SLC25A37: variants seen among roughly 807,000 people sequenced by gnomAD.
SLC25A37 encodes solute carrier family 25 member 37.
A neutral mutation model predicts 31.0 loss-of-function variants in SLC25A37; 17 were observed. That is an observed-to-expected ratio of 0.55 (90% CI 0.38 to 0.82). SLC25A37 has a LOEUF of 0.82. Among genes scored for constraint, SLC25A37 ranks in the 40% least tolerant of loss-of-function variants. The probability of loss-of-function intolerance (pLI) is 0.00; values close to 1 mark genes in which losing one functional copy is unlikely to be tolerated. For missense variants in SLC25A37, 404 were observed against 465.8 expected (o/e 0.87, Z 1.22); for synonymous variants, 222 against 193.0 (o/e 1.15, Z -1.24).
At chr8:23,544,016 A>G (rs1031141053) in intron 1 of SLC25A37, among the ~76,000 whole-genome samples, 4 of 151,496 alleles carry the variant, frequency 2.6e-5, no homozygotes, top group Non-Finnish European at 5.9e-5. Context: ...GTGTGCCACC[A>G]CGCCCGGCTA....
Position 23,539,236 on chromosome 8 carries a change from G to A in SLC25A37, c.210+10024G>A, listed in dbSNP as rs193078546. Among the ~76,000 whole-genome samples, 17 of 152,294 alleles carry A rather than the reference G, an allele frequency of 1.1e-4. 1 individual carries two copies. Among genetic ancestry groups the A allele is most frequent in the Admixed American group, 1.0e-3 (16 of 15,298 alleles). On this transcript the variant is annotated intron_variant, in intron 1 of 3. Transcript: ENST00000519973. ...GCATAACAGGTCTAGGAAACGTCTG[G>A]CCGTGTGGGTCAAGTTGAGGGACTG...
Position 23,574,599 on chromosome 8 carries a change from G to T in SLC25A37, c.*2744G>T, listed in dbSNP as rs1178594384. On this transcript the variant is annotated 3_prime_UTR_variant, in exon 4 of 4. Transcript: ENST00000519973. ...CCTGGTCATCAGGAGGTTGAGAAAA[G>T]CCTTGAAAGTTGTGAAGCACTGAGC... 6.5e-6 allele frequency: 1 copy of T among 154,844 alleles called. No homozygotes were observed. Among genetic ancestry groups the T allele is most frequent in the Non-Finnish European group, 1.5e-5 (1 of 68,246 alleles). The allele number at this position is 154,844 out of a possible 1,614,324, so 9.6% of individuals were successfully genotyped here.
At chr8:23,569,715 C>T (rs964912093) in intron 3 of SLC25A37, among the ~76,000 whole-genome samples, 2 of 152,206 alleles carry the variant, frequency 1.3e-5, no homozygotes, top group African/African-American at 4.8e-5. Context: ...AAGCAAGCCT[C>T]AGCTGGGCAG....
Position 23,566,057 on chromosome 8 carries a change from C to T in SLC25A37, c.211-51C>T, listed in dbSNP as rs936129555. 7 of 1,521,116 alleles carry T rather than the reference C, an allele frequency of 4.6e-6. No homozygotes were observed. In the African/African-American group the frequency reaches 5.7e-5, roughly 12 times the overall value. The allele number at this position is 1,521,116 out of a possible 1,614,324, so 94.2% of individuals were successfully genotyped here. ...TCCAGGTCTTATTTTCCTTCTTTAC[C>T]ATCCTGATTAACTCTATTTTTGTTT... On this transcript the variant is annotated intron_variant, in intron 1 of 3. Transcript: ENST00000519973.
intron 1 of SLC25A37, among the ~76,000 whole-genome samples, chr8:23,546,822 T>G (rs559895942): frequency 6.6e-6 from 1 of 151,976 alleles, no homozygotes; most frequent in South Asian, 2.1e-4. Context: ...GTTTTTAAAT[T>G]TTTTTTTCAA....
chr8:23,555,997 C>A (rs1294139056), intron 1 of SLC25A37, among the ~76,000 whole-genome samples: 1 of 152,192 alleles, frequency 6.6e-6, no homozygotes, highest in Non-Finnish European at 1.5e-5. Flanking sequence ...TTCTAGCAAG[C>A]TGGTTGGGCT....
chr8:23,537,125 G>A (rs541437449), intron 1 of SLC25A37, among the ~76,000 whole-genome samples: 2 of 151,196 alleles, frequency 1.3e-5, no homozygotes, highest in Non-Finnish European at 2.9e-5. Context: ...GAGCCTGGGA[G>A]GTCGAGGCTG....
chr8:23,569,402 T>TACACATACAC (rs1802758298), intron 3 of SLC25A37, among the ~76,000 whole-genome samples: 1 of 150,140 alleles, frequency 6.7e-6, no homozygotes, highest in South Asian at 2.1e-4. Flanking sequence ...TATGTGTGCA[T>TACACATACAC]ACACACACAC....
intron 1 of SLC25A37, among the ~76,000 whole-genome samples, chr8:23,565,460 T>G (rs1364378493): frequency 6.6e-6 from 1 of 150,794 alleles, no homozygotes; most frequent in Non-Finnish European, 1.5e-5. Context: ...CTTTTATTCC[T>G]TTACTTTCTT....
rs866651796 is a variant in SLC25A37 at position 23,529,448 on chromosome 8, G to T, written c.210+236G>T. On this transcript the variant is annotated intron_variant, in intron 1 of 3. Coordinates refer to ENST00000519973, the MANE Select transcript of SLC25A37 (RefSeq NM_016612.4). This position sits in a 1 kb window ranked among gnomAD's most constrained non-coding sequence, Gnocchi z 4.1. ...GCACCGCCCGCTGCTCCAGCCGCGT[G>T]CCCGGCCCCGGCTGCTGGCGGCGCT... Among the ~76,000 whole-genome samples, 1 of 151,816 alleles carries T rather than the reference G, an allele frequency of 6.6e-6. No individual in the cohort carries two copies. Among genetic ancestry groups the T allele is most frequent in the African/African-American group, 2.4e-5 (1 of 41,402 alleles).
chr8:23,536,264 A>C (rs62503283), intron 1 of SLC25A37, among the ~76,000 whole-genome samples: 1 of 152,000 alleles, frequency 6.6e-6, no homozygotes, highest in Non-Finnish European at 1.5e-5. Flanking sequence ...TTCTTCCCAT[A>C]AACAAACTGT....
chr8:23,532,994 A>G (rs960938395), intron 1 of SLC25A37, among the ~76,000 whole-genome samples: 9 of 152,216 alleles, frequency 5.9e-5, no homozygotes, highest in East Asian at 1.9e-4. Flanking sequence ...GGACAAAACT[A>G]TAATGATTTT....
intron 1 of SLC25A37, among the ~76,000 whole-genome samples, chr8:23,546,553 A>ATATATATATATATAG (rs377556225): frequency 1.2e-4 from 2 of 17,102 alleles, no homozygotes; most frequent in Non-Finnish European, 2.6e-4. Context: ...ATATATATAT[A>ATATATATATATATAG]GTGTATATAT....
intron 1 of SLC25A37, among the ~76,000 whole-genome samples, chr8:23,533,442 C>T (rs974976704): frequency 6.6e-6 from 1 of 152,202 alleles, no homozygotes; most frequent in Non-Finnish European, 1.5e-5. Context: ...ATGTGCTTCC[C>T]AAACCTTTTC....
chr8:23,529,306 C>G lies in SLC25A37; in HGVS notation c.210+94C>G. 7.7e-7 allele frequency: 1 copy of G among 1,290,664 alleles called. No homozygotes were observed. Among genetic ancestry groups the G allele is most frequent in the Non-Finnish European group, 1.0e-6 (1 of 954,142 alleles). The allele number at this position is 1,290,664 out of a possible 1,614,324, so 80.0% of individuals were successfully genotyped here. On this transcript the variant is annotated intron_variant, in intron 1 of 3. Transcript: ENST00000519973. This position sits in a 1 kb window ranked among gnomAD's most constrained non-coding sequence, Gnocchi z 4.1. The stretch of plus-strand genomic sequence containing the variant: ...CGCGCCGGCAGCCTCGGGGCAGCGT[C>G]CCGAAACCGAGCTCTCCCCAGGACC...
At chr8:23,537,317 A>G (rs548765365) in intron 1 of SLC25A37, among the ~76,000 whole-genome samples, 69 of 151,740 alleles carry the variant, frequency 4.5e-4, no homozygotes, top group African/African-American at 1.5e-3. Flanking sequence ...GTTTATTTAT[A>G]TTGTTTACAT....
chr8:23,570,449 G>A (rs956134753), intron 3 of SLC25A37, among the ~76,000 whole-genome samples: 5 of 152,096 alleles, frequency 3.3e-5, no homozygotes, highest in African/African-American at 1.2e-4. Context: ...CTTCTAGGAA[G>A]TAGTTCAATG....
chr8:23,529,276 T>G lies in SLC25A37; in HGVS notation c.210+64T>G, dbSNP rs1801612392. On this transcript the variant is annotated intron_variant, in intron 1 of 3. Transcript: ENST00000519973. The surrounding 1 kb of genome is among the most constrained non-coding windows in gnomAD (Gnocchi z 4.1). ...GAAGGAGCGCGCGCGCGCATTTGCA[T>G]CCCGCGCGCCGGCAGCCTCGGGGCA... 8.2e-6 allele frequency: 12 copies of G among 1,463,444 alleles called. No homozygotes were observed. The highest frequency in any genetic ancestry group is 1.0e-5 in the Non-Finnish European group (11 of 1,085,388). 90.7% of individuals were successfully genotyped at this position (1,463,444 alleles called of 1,614,324 possible). A position where few individuals can be genotyped will look rare whatever the true frequency, so the allele number is the denominator to read the frequency against.
chr8:23,556,568 A>G (rs1802371614), intron 1 of SLC25A37, among the ~76,000 whole-genome samples: 1 of 151,830 alleles, frequency 6.6e-6, no homozygotes, highest in Non-Finnish European at 1.5e-5. Flanking sequence ...ATGTATATGT[A>G]TGTATATACA....
Sources: gnomAD v4.1 joint callset for allele counts (sites outside exome capture counted in the v4.1 genomes callset) on GRCh38, gnomAD v4.1.1 for gene constraint, Gnocchi (gnomAD v3.1) non-coding constraint, MANE v1.5 for transcripts, NCBI Gene and HGNC (gene_info 2026-07-23, HGNC 2026-07-21) for gene names.